PKP4: variants seen among roughly 807,000 people sequenced by gnomAD.
The protein encoded by PKP4 is plakophilin 4.
PKP4 carries 90 observed loss-of-function variants against 145.1 expected under a neutral mutation model. The observed-to-expected ratio is 0.62, with a 90% CI of 0.52 to 0.74. PKP4 has a LOEUF of 0.74. Ranked by LOEUF, PKP4 falls within the 30% of genes least tolerant of loss-of-function variation. PKP4 has a pLI of 0.00. For synonymous variants in PKP4, 563 were observed against 577.2 expected, an observed-to-expected ratio of 0.98 and a Z score of 0.35; for missense variants, 1,340 against 1,482.7, an observed-to-expected ratio of 0.90 and a Z score of 1.58.
intron 11 of PKP4, among the ~76,000 whole-genome samples, chr2:158,652,333 A>C (rs371735055): frequency 4.6e-5 from 7 of 152,274 alleles, no homozygotes; most frequent in African/African-American, 1.7e-4. Context: ...AGGTAACGTA[A>C]ATGTCAAAGG....
intron 2 of PKP4, among the ~76,000 whole-genome samples, chr2:158,536,466 A>G (rs1257908417): frequency 1.3e-5 from 2 of 152,208 alleles, no homozygotes; most frequent in Non-Finnish European, 2.9e-5. Flanking sequence ...AGCCAGTAAA[A>G]TACCTCACAC....
At chr2:158,551,484 C>A (rs2045620739) in intron 2 of PKP4, among the ~76,000 whole-genome samples, 1 of 152,130 alleles carries the variant, frequency 6.6e-6, no homozygotes, top group Non-Finnish European at 1.5e-5. Context: ...TATTCAATCA[C>A]CCTCGCCCTT....
At chr2:158,557,645 CATA>C (rs1414837161) in intron 2 of PKP4, among the ~76,000 whole-genome samples, 5 of 152,180 alleles carry the variant, frequency 3.3e-5, no homozygotes, top group African/African-American at 1.2e-4. Flanking sequence ...TCATTCATAA[CATA>C]ATACTATTAA....
Position 158,625,068 on chromosome 2 carries a change from C to G in PKP4, c.794C>G (p.Thr265Arg), listed in dbSNP as rs745678202. ...PLNPSAYSST[T>R]LPAARAASPY... ...AACCCCAGTGCATATTCCTCCACCA[C>G]ATTACCTGCTGCACGGGCAGCCTCT... The change falls in exon 7 of 22, where the codon ACA becomes AGA. Residue 265 changes from threonine to arginine, a missense_variant. Coordinates refer to ENST00000389759, the MANE Select transcript of PKP4 (RefSeq NM_003628.6). 1.2e-6 allele frequency: 2 copies of G among 1,614,188 alleles called. No individual in the cohort carries two copies. The highest frequency in any genetic ancestry group is 1.7e-6 in the Non-Finnish European group (2 of 1,180,020).
intron 1 of PKP4, among the ~76,000 whole-genome samples, chr2:158,512,499 CT>C (rs1347239397): frequency 6.6e-6 from 1 of 152,232 alleles, no homozygotes; most frequent in African/African-American, 2.4e-5. Flanking sequence ...CAGATTCTGA[CT>C]GACAAACTGT....
intron 4 of PKP4, among the ~76,000 whole-genome samples, chr2:158,607,620 G>C (rs146551224): frequency 1.3e-5 from 2 of 152,264 alleles, no homozygotes; most frequent in African/African-American, 4.8e-5. Flanking sequence ...CCAGGAAGGA[G>C]ATGCCACCCG....
intron 1 of PKP4, among the ~76,000 whole-genome samples, chr2:158,514,013 C>T (rs2105537421): frequency 6.6e-6 from 1 of 152,304 alleles, no homozygotes; most frequent in South Asian, 2.1e-4. Context: ...TGCTTGTTTA[C>T]TCTTGCATTT....
chr2:158,539,916 G>A (rs1177371728), intron 2 of PKP4, among the ~76,000 whole-genome samples: 2 of 152,052 alleles, frequency 1.3e-5, no homozygotes, highest in Non-Finnish European at 2.9e-5. Flanking sequence ...TTTTGTTAAC[G>A]ATGCAGGGTG....
intron 1 of PKP4, among the ~76,000 whole-genome samples, chr2:158,472,527 G>A (rs1691743643): frequency 6.6e-6 from 1 of 150,862 alleles, no homozygotes; most frequent in African/African-American, 2.4e-5. Context: ...GCAGGAGAAT[G>A]GTGGGAACCT....
intron 1 of PKP4, among the ~76,000 whole-genome samples, chr2:158,486,589 AAC>A (rs1694197132): frequency 6.6e-6 from 1 of 152,254 alleles, no homozygotes; most frequent in South Asian, 2.1e-4. Flanking sequence ...GGGTGTTGAG[AAC>A]ACAGTGACCT....
intron 1 of PKP4, among the ~76,000 whole-genome samples, chr2:158,479,672 G>T (rs1247410755): frequency 1.3e-5 from 2 of 152,092 alleles, no homozygotes; most frequent in East Asian, 3.8e-4. Context: ...TTGGAAAGGA[G>T]TTCAACTAAT....
intron 2 of PKP4, among the ~76,000 whole-genome samples, chr2:158,566,263 G>A (rs187937182): frequency 4.2e-4 from 64 of 152,162 alleles, no homozygotes; most frequent in Admixed American, 1.2e-3. Flanking sequence ...AGTTTATTTA[G>A]CCTTGTTGTT....
chr2:158,661,544 G>A (rs890023081), intron 13 of PKP4, 94 bp downstream of exon 13: 2 of 813,306 alleles, frequency 2.5e-6, no homozygotes, highest in South Asian at 1.5e-5. Flanking sequence ...TCTGACCTGC[G>A]GATCCTGTCC....
intron 1 of PKP4, among the ~76,000 whole-genome samples, chr2:158,478,614 T>C (rs891042812): frequency 6.6e-6 from 1 of 152,238 alleles, no homozygotes; most frequent in South Asian, 2.1e-4. Flanking sequence ...CCTTAATTCA[T>C]TGTGATAAAG....
In PKP4 at chr2:158,475,674, A is replaced by G. The variant is rs537681853; in HGVS notation, c.-6+18456A>G. On this transcript the variant is annotated intron_variant, in intron 1 of 21. Transcript: ENST00000389759. Reference sequence around the variant, plus strand: ...CAGTAGCTCAGCATCTTCACCCCTTAGTTGGGATATCTTTGAGGTGTGTTC... The same window carrying G: ...CAGTAGCTCAGCATCTTCACCCCTTGGTTGGGATATCTTTGAGGTGTGTTC... Among the ~76,000 whole-genome samples the G allele has an allele frequency of 4.6e-5, 7 of 152,290 alleles. No individual in the cohort carries two copies. In the East Asian group the frequency reaches 1.4e-3, roughly 29 times the overall value.
intron 1 of PKP4, among the ~76,000 whole-genome samples, chr2:158,511,090 G>A (rs1032484842): frequency 7.9e-5 from 12 of 152,224 alleles, no homozygotes; most frequent in Admixed American, 2.0e-4. Flanking sequence ...GAGCTCTGCC[G>A]AAACTCACGT....
intron 1 of PKP4, among the ~76,000 whole-genome samples, chr2:158,495,602 A>G (rs945579612): frequency 2.6e-5 from 4 of 151,850 alleles, no homozygotes; most frequent in Non-Finnish European, 4.4e-5. Context: ...TTGGGAGGCC[A>G]AGGAGGTCCT....
chr2:158,596,186 A>C (rs532968293), intron 3 of PKP4, among the ~76,000 whole-genome samples: 1 of 152,332 alleles, frequency 6.6e-6, no homozygotes, highest in Admixed American at 6.5e-5. Flanking sequence ...GGCACAATAA[A>C]AGGTGAAACA....
Position 158,537,631 on chromosome 2 carries a change from G to A in PKP4, c.132+4315G>A, listed in dbSNP as rs568311364. Among the ~76,000 whole-genome samples the A allele has an allele frequency of 2.0e-5, 3 of 152,302 alleles. No homozygotes were observed. The South Asian group carries it at 6.2e-4, about 32-fold the overall frequency. On this transcript the variant is annotated intron_variant, in intron 2 of 21. Transcript: ENST00000389759. ...TAATAAGAATCCAGGAGTCCATGAT[G>A]AATACAGATGTAGGAAAGGAGGAAT...
Sources: allele counts gnomAD v4.1 joint callset (sites outside exome capture counted in the v4.1 genomes callset), GRCh38; gene constraint gnomAD v4.1.1; transcripts MANE v1.5; gene names NCBI Gene and HGNC (gene_info 2026-07-23, HGNC 2026-07-21).